Variants in PCDH11X observed in about 807,000 individuals in gnomAD.
PCDH11X encodes the protein protocadherin 11 X-linked, also known as protocadherin-11 X-linked.
PCDH11X carries 18 observed loss-of-function variants against 53.3 expected under a neutral mutation model. The observed-to-expected ratio is 0.34, with a 90% CI of 0.23 to 0.50. PCDH11X has a LOEUF of 0.50. Ranked by LOEUF, PCDH11X falls within the 20% of genes least tolerant of loss-of-function variation. The pLI, the probability that PCDH11X is intolerant of heterozygous loss-of-function variation, is 0.98. For missense variants in PCDH11X, 570 were observed against 1,032.4 expected (o/e 0.55, Z 6.14); for synonymous variants, 279 against 393.3 (o/e 0.71, Z 3.44).
intron 6 of PCDH11X, among the ~76,000 whole-genome samples, chrX:92,034,871 T>A (rs1476965598): frequency 9.2e-6 from 1 of 108,872 alleles, no homozygotes; most frequent in Non-Finnish European, 1.9e-5. Context: ...TTTTCTCTGG[T>A]GGCAAGATTT....
rs749470075 is a variant in PCDH11X, at chrX:91,896,538, C to T, written c.3033+17265C>T. Among the ~76,000 whole-genome samples the T allele has an allele frequency of 5.5e-3, 461 of 83,558 alleles. 1 individual carries two copies. Among genetic ancestry groups the T allele is most frequent in the Non-Finnish European group, 8.5e-3 (371 of 43,409 alleles). 72.6% of individuals were successfully genotyped at this position (83,558 alleles called of 115,157 possible). A position where few individuals can be genotyped will look rare whatever the true frequency, so the allele number is the denominator to read the frequency against. ...ATCTTTATGAGATTTATTGTTTTAC[C>T]TGTCTTCAGCTTCTATTTTAGAGAT... is the stretch of plus-strand genomic sequence containing the variant. On this transcript the variant is annotated intron_variant, in intron 6 of 10. Coordinates refer to ENST00000682573, the MANE Select transcript of PCDH11X (RefSeq NM_032968.5).
intron 10 of PCDH11X, among the ~76,000 whole-genome samples, chrX:92,480,870 C>T (rs1444322723): frequency 9.0e-6 from 1 of 111,374 alleles, no homozygotes. Context: ...GTGGTACCTG[C>T]ATGTTGGCTG....
intron 6 of PCDH11X, among the ~76,000 whole-genome samples, chrX:92,047,622 A>G (rs2063308783): frequency 1.8e-5 from 2 of 110,966 alleles, no homozygotes; most frequent in Admixed American, 1.9e-4. Flanking sequence ...CAGGTTAGGT[A>G]TAGAAAGGTG....
intron 8 of PCDH11X, among the ~76,000 whole-genome samples, chrX:92,274,108 G>A (rs1326733667): frequency 2.9e-5 from 3 of 103,600 alleles, no homozygotes; most frequent in Non-Finnish European, 3.9e-5. Context: ...AAGTTGGTCT[G>A]GTGTCGAATG....
intron 7 of PCDH11X, among the ~76,000 whole-genome samples, chrX:92,217,734 A>T (rs895840575): frequency 9.1e-6 from 1 of 110,179 alleles, no homozygotes; most frequent in African/African-American, 3.3e-5. Flanking sequence ...CTCCACCCCA[A>T]ATCAACAGAA....
chrX:92,479,829 A>G (rs1158264958), intron 10 of PCDH11X, among the ~76,000 whole-genome samples: 2 of 108,571 alleles, frequency 1.8e-5, no homozygotes, highest in Non-Finnish European at 3.8e-5. Context: ...TTGTGTTCGG[A>G]ATGATTTTCT....
intron 7 of PCDH11X, among the ~76,000 whole-genome samples, chrX:92,216,599 G>C (rs2066719935): frequency 1.0e-5 from 1 of 98,555 alleles, no homozygotes; most frequent in African/African-American, 3.7e-5. Flanking sequence ...AAGTGACGGG[G>C]AGAATGGAAC....
At chrX:92,046,996 C>T (rs1433083001) in intron 6 of PCDH11X, among the ~76,000 whole-genome samples, 317 of 92,203 alleles carry the variant, frequency 3.4e-3, no homozygotes, top group Non-Finnish European at 4.9e-3. Flanking sequence ...AAAGGGGAAA[C>T]CAAATATCCA....
intron 6 of PCDH11X, among the ~76,000 whole-genome samples, chrX:91,892,042 T>C (rs777899646): frequency 1.0e-5 from 1 of 95,854 alleles, no homozygotes; most frequent in South Asian, 5.5e-4. Flanking sequence ...TGTGTGTGTG[T>C]GTGTTAGAGA....
At chrX:92,236,632 C>A (rs1235283237) in intron 7 of PCDH11X, among the ~76,000 whole-genome samples, 1 of 111,328 alleles carries the variant, frequency 9.0e-6, no homozygotes, top group East Asian at 2.8e-4. Flanking sequence ...TAGTAAGAAT[C>A]AAGCCAGCAA....
intron 6 of PCDH11X, among the ~76,000 whole-genome samples, chrX:92,117,266 G>A (rs747440363): frequency 8.2e-5 from 9 of 109,251 alleles, no homozygotes; most frequent in South Asian, 4.0e-4. Context: ...GCAAAACCCC[G>A]TCTCTACCAA....
At chrX:92,220,654 A>T (rs1603204781) in intron 7 of PCDH11X, among the ~76,000 whole-genome samples, 1 of 110,708 alleles carries the variant, frequency 9.0e-6, no homozygotes, top group East Asian at 2.9e-4. Context: ...TTCCTCAGGG[A>T]TGTAGAACTA....
intron 6 of PCDH11X, among the ~76,000 whole-genome samples, chrX:92,028,842 G>A (rs2148011153): frequency 9.0e-6 from 1 of 111,345 alleles, no homozygotes; most frequent in Admixed American, 9.6e-5. Flanking sequence ...TGGTACAAAG[G>A]AGGCCAAAAA....
intron 6 of PCDH11X, chrX:92,113,338 A>G (rs2064561569): frequency 8.4e-7 from 1 of 1,197,543 alleles, no homozygotes; most frequent in Non-Finnish European, 1.1e-6. Flanking sequence ...TTCTGTCACC[A>G]TGTTAATAGC....
intron 8 of PCDH11X, among the ~76,000 whole-genome samples, chrX:92,312,641 GGCAA>G (rs2068975495): frequency 9.0e-6 from 1 of 110,891 alleles, no homozygotes; most frequent in African/African-American, 3.3e-5. Context: ...TTGTAGAAAT[GGCAA>G]GCATTTACTA....
intron 1 of PCDH11X, among the ~76,000 whole-genome samples, chrX:91,801,553 G>C (rs996116116): frequency 4.5e-5 from 5 of 111,891 alleles, no homozygotes; most frequent in Non-Finnish European, 9.4e-5. Context: ...TATATTTTTG[G>C]AGTGATATAA....
chrX:92,306,094 T>C (rs1603264485), intron 8 of PCDH11X, among the ~76,000 whole-genome samples: 1 of 111,763 alleles, frequency 8.9e-6, no homozygotes, highest in Non-Finnish European at 1.9e-5. Flanking sequence ...TGAATGAAAC[T>C]AGAAATCAAC....
At chrX:92,259,920 C>T (rs748126697) in intron 7 of PCDH11X, among the ~76,000 whole-genome samples, 109 of 111,485 alleles carry the variant, frequency 9.8e-4, no homozygotes, top group African/African-American at 3.5e-3. Flanking sequence ...GGGTGCACCA[C>T]AGCTGTGACA....
intron 1 of PCDH11X, among the ~76,000 whole-genome samples, chrX:91,786,377 G>A (rs1414985976): frequency 1.9e-5 from 2 of 107,397 alleles, no homozygotes; most frequent in East Asian, 5.8e-4. Flanking sequence ...AATAAAAACT[G>A]TTTTAATAAT....
Sources: gnomAD v4.1 joint callset for allele counts (sites outside exome capture counted in the v4.1 genomes callset) on GRCh38, gnomAD v4.1.1 for gene constraint, MANE v1.5 for transcripts, NCBI Gene and HGNC (gene_info 2026-07-23, HGNC 2026-07-21) for gene names.